The following CDK5RAP3 variants were observed in gnomAD, a reference collection of about 807,000 sequenced individuals.
CDK5RAP3 encodes the protein CDK5 regulatory subunit-associated protein 3.
In CDK5RAP3, 58 loss-of-function variants were observed where a neutral mutation model predicts 73.3. The ratio of observed to expected loss-of-function variants is 0.79; its 90% CI spans 0.64 to 0.98. The LOEUF is 0.98. Among genes scored for constraint, CDK5RAP3 ranks in the 50% least tolerant of loss-of-function variants. The pLI is 0.00. For missense variants in CDK5RAP3, 525 were observed against 615.8 expected, an observed-to-expected ratio of 0.85 and a Z score of 1.56; for synonymous variants, 224 against 247.5, an observed-to-expected ratio of 0.91 and a Z score of 0.89.
rs752251451 is a variant in CDK5RAP3 at position 47,975,993 on chromosome 17, G to A, written c.778G>A (p.Glu260Lys). ...VERPHLEELP[E>K]QVAEDAIDWG... Reference sequence around the variant, plus strand: ...ACGACCCCACCTCGAGGAGCTTCCTGAGCAGGTGGCAGAAGATGCGGTAAG... The same window carrying A: ...ACGACCCCACCTCGAGGAGCTTCCTAAGCAGGTGGCAGAAGATGCGGTAAG... Residue 260 changes from glutamate to lysine, a missense_variant, in exon 8 of 14, where the codon GAG becomes AAG. By Grantham distance (56) the Glu-to-Lys change is moderately conservative. Around this residue, in one of 2 missense-constraint regions of CDK5RAP3, gnomAD observed 409 missense variants for 429.8 expected, o/e 0.95. Coordinates refer to ENST00000338399, the MANE Select transcript of CDK5RAP3 (RefSeq NM_176096.3). 7 of 1,614,106 alleles carry A rather than the reference G, an allele frequency of 4.3e-6. No homozygotes were observed. Among genetic ancestry groups the A allele is most frequent in the Non-Finnish European group, 5.9e-6 (7 of 1,180,040 alleles).
chr17:47,975,182 C>T lies in CDK5RAP3; in HGVS notation c.358C>T (p.Arg120Trp), dbSNP rs748985064. 2.7e-5 allele frequency: 43 copies of T among 1,613,976 alleles called. No individual in the cohort carries two copies. The highest frequency in any genetic ancestry group is 4.4e-5 in the South Asian group (4 of 91,078). The change falls in exon 6 of 14, where the codon CGG (arginine) becomes TGG (tryptophan). Residue 120 changes from arginine (R) to tryptophan (W), a missense_variant. This residue lies in a region of CDK5RAP3 where 409 missense variants were observed against 429.8 expected (regional missense o/e 0.95). Coordinates refer to ENST00000338399, the MANE Select transcript of CDK5RAP3 (RefSeq NM_176096.3). Reference sequence around the variant, plus strand: ...AGTGGAACTCTCTAGCCTCCTGGTTCGGAATGTCAACTATGAGATCCCCTC... The same window carrying T: ...AGTGGAACTCTCTAGCCTCCTGGTTTGGAATGTCAACTATGAGATCCCCTC... ...YLVELSSLLV[R>W]NVNYEIPSLK... is the part of the protein sequence containing the mutation.
chr17:47,971,085 C>G, upstream of CDK5RAP3: 2 of 1,551,410 alleles, frequency 1.3e-6, no homozygotes, highest in Non-Finnish European at 1.7e-6. Context: ...CACAACGCCA[C>G]TGGATTGGTG....
chr17:47,981,188 C>T lies in CDK5RAP3; in HGVS notation c.1309C>T (p.Leu437Phe). The change falls in exon 13 of 14, where the codon CTC becomes TTC. Residue 437 changes from leucine to phenylalanine, a missense_variant. Around this residue, in one of 2 missense-constraint regions of CDK5RAP3, gnomAD observed 116 missense variants for 186.1 expected, o/e 0.62. Transcript: ENST00000338399. ...GTATGTGGACCGAGTGACTGAATTC[C>T]TCCAGCAAAAGCTGAAGCAGTCCCA... ...PRYVDRVTEF[L>F]QQKLKQSQLL... 1 of 1,614,188 alleles carries T rather than the reference C, an allele frequency of 6.2e-7. No homozygotes were observed. The highest frequency in any genetic ancestry group is 1.7e-4 in the Middle Eastern group (1 of 6,060).
chr17:47,978,941 AG>A, intron 11 of CDK5RAP3, 24 bp downstream of exon 11: 3 of 1,582,078 alleles, frequency 1.9e-6, no homozygotes, highest in Non-Finnish European at 2.6e-6. Flanking sequence ...TGGAAGATGC[AG>A]GGGGGAGGCA....
At chr17:47,977,696 C>T (rs1205229352) in intron 9 of CDK5RAP3, 136 bp from the exon 10 acceptor site, 2 of 696,684 alleles carry the variant, frequency 2.9e-6, no homozygotes, top group Non-Finnish European at 4.8e-6. Context: ...ATTTTTGGCA[C>T]CTAAGTCAGG....
In CDK5RAP3 at chr17:47,973,561, G is replaced by A; in HGVS notation, c.95G>A (p.Ser32Asn). Residue 32 changes from serine (S) to asparagine (N), a missense_variant, in exon 3 of 14, where the codon AGT becomes AAT. Ser to Asn is a conservative substitution (Grantham distance 46). Transcript: ENST00000338399. ...DRRHCSLKWQ[S>N]LVLTIREKIN... ...AGGCACTGCAGCCTGAAATGGCAGA[G>A]TCTGGTGCTGACGATCCGCGAGAAG... 1 of 1,614,204 alleles carries A rather than the reference G, an allele frequency of 6.2e-7. No homozygotes were observed. Among genetic ancestry groups the A allele is most frequent in the Non-Finnish European group, 8.5e-7 (1 of 1,180,022 alleles).
chr17:47,971,884 A>ACT (rs989081365), intron 2 of CDK5RAP3, among the ~76,000 whole-genome samples: 38 of 152,176 alleles, frequency 2.5e-4, no homozygotes, highest in African/African-American at 8.9e-4. Flanking sequence ...AATCCCAGCT[A>ACT]CTCGGGAGGC....
chr17:47,974,667 T>G, intron 5 of CDK5RAP3: 1 of 1,374,566 alleles, frequency 7.3e-7, no homozygotes, highest in Non-Finnish European at 9.4e-7. Context: ...GTAGTGGCCA[T>G]TCGCCGTGCC....
chr17:47,971,198 C>G, intron 1 of CDK5RAP3, 46 bp downstream of exon 1: 1 of 1,532,254 alleles, frequency 6.5e-7, no homozygotes, highest in Non-Finnish European at 8.8e-7. Context: ...CCGCGGACCC[C>G]TAACCTGTGT....
At chr17:47,969,556 CAAAAAAAAAAAAAAAAA>C (rs36208323), upstream of CDK5RAP3, among the ~76,000 whole-genome samples, 5 of 79,854 alleles carry the variant, frequency 6.3e-5, no homozygotes, top group East Asian at 4.2e-4. Flanking sequence ...GACTCCGTCT[CAAAAAAAAAAAAAAAAA>C]AAAAAAAAAA....
chr17:47,974,375 A>C (rs1191856126), intron 4 of CDK5RAP3, 25 bp from the exon 5 acceptor site: 2 of 1,604,052 alleles, frequency 1.2e-6, no homozygotes, highest in Admixed American at 3.3e-5. Flanking sequence ...TTCTGGCTTA[A>C]CATTGTTTTT....
Position 47,973,974 on chromosome 17 carries a change from A to G in CDK5RAP3, c.228A>G (p.Lys76=), listed in dbSNP as rs1398375150. 1.2e-6 allele frequency: 2 copies of G among 1,614,148 alleles called. No individual in the cohort carries two copies. Among genetic ancestry groups the G allele is most frequent in the Admixed American group, 1.7e-5 (1 of 60,030 alleles). The part of the protein sequence containing the change: ...FHCLRILDLL[K]GTEASTKNIF... ...GCCTAAGAATCCTGGACCTTCTCAAAGGCACAGAGGCCTCCACGAAGAATA... is the reference window on the plus strand; with the variant it reads ...GCCTAAGAATCCTGGACCTTCTCAAGGGCACAGAGGCCTCCACGAAGAATA... The change falls in exon 4 of 14, where the codon AAA becomes AAG. Residue 76 remains lysine (K), a synonymous_variant. Transcript: ENST00000338399.
chr17:47,980,964 T>C (rs2036539198), intron 12 of CDK5RAP3, 166 bp downstream of exon 12: 8 of 858,430 alleles, frequency 9.3e-6, no homozygotes, highest in Non-Finnish European at 1.3e-5. Context: ...GTTTCACATA[T>C]ACAGGAAGAA....
chr17:47,969,619 G>A (rs1021280952), upstream of CDK5RAP3, among the ~76,000 whole-genome samples: 1 of 149,832 alleles, frequency 6.7e-6, no homozygotes, highest in Non-Finnish European at 1.5e-5. Flanking sequence ...GATCCTGGGG[G>A]ATCTGGCCTC....
At chr17:47,978,593 T>A in intron 10 of CDK5RAP3, 1 of 516,734 alleles carries the variant, frequency 1.9e-6, no homozygotes, top group South Asian at 2.5e-5. Context: ...AGAGCCGGCC[T>A]TTCTACCCCT....
At chr17:47,970,822 C>A, upstream of CDK5RAP3, 1 of 1,419,790 alleles carries the variant, frequency 7.0e-7, no homozygotes, top group Non-Finnish European at 9.5e-7. Context: ...AAGCGGCTGC[C>A]AGGCTGGGCT....
At chr17:47,970,993 T>A, upstream of CDK5RAP3, 1 of 1,486,288 alleles carries the variant, frequency 6.7e-7, no homozygotes. Context: ...GAGGCCTGAG[T>A]GGAGCGTAAA....
chr17:47,978,269 C>T (rs1056113873), intron 10 of CDK5RAP3, among the ~76,000 whole-genome samples: 3 of 151,858 alleles, frequency 2.0e-5, no homozygotes, highest in African/African-American at 7.3e-5. Context: ...TGGGGTTTCT[C>T]CATGTTGGTC....
At position 47,975,465 on chromosome 17, in the gene CDK5RAP3, T is replaced by C. The variant is rs777168836; in HGVS notation, c.514-49T>C. 17 of 1,609,646 alleles carry C rather than the reference T, an allele frequency of 1.1e-5. No individual in the cohort carries two copies. In the East Asian group the frequency reaches 2.9e-4, roughly 27 times the overall value. ...CAGTGTCTTACTTTTCTTCGGTCTT[T>C]GGATGTTTTCTTCAATCTGTTGGAC... On this transcript the variant is annotated intron_variant, in intron 6 of 13. Transcript: ENST00000338399.
Sources: gnomAD v4.1 joint callset for allele counts (sites outside exome capture counted in the v4.1 genomes callset) on GRCh38, gnomAD v4.1.1 for gene constraint, gnomAD v4.1.1 regional missense constraint, MANE v1.5 for transcripts, NCBI Gene and HGNC (gene_info 2026-07-23, HGNC 2026-07-21) for gene names.